The following SPECC1L variants were observed in gnomAD, a reference collection of about 807,000 sequenced individuals.
The protein encoded by SPECC1L is sperm antigen with calponin homology and coiled-coil domains 1 like, also known as cytospin-A.
Under a neutral mutation model 116.8 loss-of-function variants are expected in SPECC1L, and 40 were observed. The observed-to-expected ratio is 0.34, with a 90% CI of 0.27 to 0.45. The LOEUF (loss-of-function observed/expected upper bound fraction) is 0.45, where lower values mean the gene tolerates loss of function less well. SPECC1L is among the 20% of genes least tolerant of loss of function. The pLI, the probability that SPECC1L is intolerant of heterozygous loss-of-function variation, is 1.00. For missense variants in SPECC1L, 1,110 were observed against 1,373.6 expected, an observed-to-expected ratio of 0.81 and a Z score of 3.03; for synonymous variants, 504 against 500.6, an observed-to-expected ratio of 1.01 and a Z score of -0.09.
chr22:24,383,287 C>A (rs536722147), intron 14 of SPECC1L, among the ~76,000 whole-genome samples: 1 of 152,282 alleles, frequency 6.6e-6, no homozygotes, highest in East Asian at 1.9e-4. Flanking sequence ...CATCAAAATA[C>A]CAGGCATGAC....
chr22:24,313,729 A>G (rs2040504386), intron 4 of SPECC1L, among the ~76,000 whole-genome samples: 1 of 151,598 alleles, frequency 6.6e-6, no homozygotes, highest in African/African-American at 2.4e-5. Flanking sequence ...ATTATCTTGG[A>G]AAGAGAAGGA....
chr22:24,315,957 A>G (rs1353028238), intron 4 of SPECC1L, among the ~76,000 whole-genome samples: 1 of 152,162 alleles, frequency 6.6e-6, no homozygotes, highest in Non-Finnish European at 1.5e-5. Flanking sequence ...GGCCCACCCT[A>G]ATGACTTCAT....
At chr22:24,286,899 C>A (rs75001456) in intron 2 of SPECC1L, among the ~76,000 whole-genome samples, 2 of 152,118 alleles carry the variant, frequency 1.3e-5, no homozygotes, top group Non-Finnish European at 2.9e-5. Context: ...CAAAGCGAGA[C>A]CCTGTCTCCA....
chr22:24,287,045 T>C (rs2049056299), intron 2 of SPECC1L, among the ~76,000 whole-genome samples: 1 of 152,070 alleles, frequency 6.6e-6, no homozygotes, highest in Non-Finnish European at 1.5e-5. Flanking sequence ...GTAAGAGGGA[T>C]GGGGGGCCAA....
chr22:24,288,323 T>A (rs2049085338), intron 2 of SPECC1L, among the ~76,000 whole-genome samples: 1 of 152,096 alleles, frequency 6.6e-6, no homozygotes, highest in African/African-American at 2.4e-5. Context: ...TCTTACACAC[T>A]CACTGTCTGT....
At chr22:24,315,488 C>G (rs1201180068) in intron 4 of SPECC1L, among the ~76,000 whole-genome samples, 1 of 152,242 alleles carries the variant, frequency 6.6e-6, no homozygotes, top group Non-Finnish European at 1.5e-5. Flanking sequence ...GTCTTTTACT[C>G]CCAAGCCTGG....
intron 11 of SPECC1L, among the ~76,000 whole-genome samples, chr22:24,348,370 T>G (rs542431050): frequency 2.0e-4 from 31 of 152,236 alleles, no homozygotes; most frequent in Non-Finnish European, 4.1e-4. Flanking sequence ...GGGCTCCATG[T>G]AGTACCAGCG....
chr22:24,287,663 G>A (rs1475917380), intron 2 of SPECC1L, among the ~76,000 whole-genome samples: 1 of 152,128 alleles, frequency 6.6e-6, no homozygotes, highest in African/African-American at 2.4e-5. Context: ...GGGTGGATGT[G>A]GCTGTTGGAG....
intron 1 of SPECC1L, among the ~76,000 whole-genome samples, chr22:24,272,906 T>G (rs2048758167): frequency 1.3e-5 from 2 of 152,164 alleles, no homozygotes; most frequent in Admixed American, 1.3e-4. Flanking sequence ...TGCTTCCTAA[T>G]GGTTGCAGGT....
At chr22:24,360,848 T>G (rs2041629435) in intron 11 of SPECC1L, among the ~76,000 whole-genome samples, 1 of 152,246 alleles carries the variant, frequency 6.6e-6, no homozygotes, top group Non-Finnish European at 1.5e-5. Context: ...CATGTTCTTT[T>G]GCCTTTGTTT....
intron 14 of SPECC1L, among the ~76,000 whole-genome samples, chr22:24,394,367 G>A (rs184907776): frequency 3.3e-5 from 5 of 152,294 alleles, no homozygotes; most frequent in Non-Finnish European, 5.9e-5. Context: ...GAGAATGAGA[G>A]AGCTGTCTGG....
chr22:24,382,774 T>G (rs2146699302), intron 14 of SPECC1L, among the ~76,000 whole-genome samples: 1 of 149,592 alleles, frequency 6.7e-6, no homozygotes, highest in South Asian at 2.1e-4. Flanking sequence ...TAGTCCCAGC[T>G]ACTCAGGAGG....
intron 4 of SPECC1L, 63 bp from the exon 5 acceptor site, chr22:24,321,225 G>A: frequency 6.3e-7 from 1 of 1,575,974 alleles, no homozygotes. Context: ...CAGGAACTGT[G>A]TATTCTATGT....
At chr22:24,346,127 C>G (rs1247107017) in intron 10 of SPECC1L, among the ~76,000 whole-genome samples, 2 of 152,008 alleles carry the variant, frequency 1.3e-5, no homozygotes, top group African/African-American at 4.8e-5. Flanking sequence ...CTGCCTCAGC[C>G]TCCCAAGTAG....
intron 2 of SPECC1L, among the ~76,000 whole-genome samples, chr22:24,288,883 C>G (rs917664792): frequency 1.3e-5 from 2 of 151,964 alleles, no homozygotes; most frequent in African/African-American, 4.8e-5. Flanking sequence ...CTTGGCCTCC[C>G]AAAGTGCTGG....
At chr22:24,303,381 C>G (rs1035011398) in intron 3 of SPECC1L, among the ~76,000 whole-genome samples, 1 of 152,158 alleles carries the variant, frequency 6.6e-6, no homozygotes, top group African/African-American at 2.4e-5. Flanking sequence ...GAGGATGGTG[C>G]CAGGAATAGA....
At chr22:24,372,681 A>C (rs529370614) in intron 14 of SPECC1L, among the ~76,000 whole-genome samples, 6,376 of 152,158 alleles carry the variant, frequency 0.042, 451 homozygotes, top group African/African-American at 0.15. Context: ...CTGAATGGGT[A>C]AAAACTGGAA....
Position 24,416,164 on chromosome 22 carries a change from T to A in SPECC1L, c.*1541T>A, listed in dbSNP as rs1410386176. On this transcript the variant is annotated 3_prime_UTR_variant, in exon 17 of 17. Transcript: ENST00000314328. ...TTTAACGTGTCTACGTAACCTAGAA[T>A]GTGGTTATTAGGAAAGGGGCTGTGC... is the stretch of plus-strand genomic sequence containing the variant. 1 of 152,124 alleles carries A rather than the reference T, an allele frequency of 6.6e-6. No individual in the cohort carries two copies. The highest frequency in any genetic ancestry group is 6.5e-5 in the Admixed American group (1 of 15,278). 9.4% of individuals were successfully genotyped at this position (152,124 alleles called of 1,614,324 possible).
rs1008021790 is a variant in SPECC1L at position 24,416,412 on chromosome 22, C to G, written c.*1789C>G. ...CTCCTGGCCCCGTCCCGCCCCCTGT[C>G]TGAGTTGTGTTTTTGTTGCTGTTCC... On this transcript the variant is annotated 3_prime_UTR_variant, in exon 17 of 17. Transcript: ENST00000314328. 1 of 152,334 alleles carries G rather than the reference C, an allele frequency of 6.6e-6. No individual in the cohort carries two copies. The highest frequency in any genetic ancestry group is 2.4e-5 in the African/African-American group (1 of 41,462). 9.4% of individuals were successfully genotyped at this position (152,334 alleles called of 1,614,324 possible). A position where few individuals can be genotyped will look rare whatever the true frequency, so the allele number is the denominator to read the frequency against.
Sources: gnomAD v4.1 joint callset for allele counts (sites outside exome capture counted in the v4.1 genomes callset) on GRCh38, gnomAD v4.1.1 for gene constraint, MANE v1.5 for transcripts, NCBI Gene and HGNC (gene_info 2026-07-23, HGNC 2026-07-21) for gene names.